Variants in NRCAM observed in about 807,000 individuals in gnomAD.
The protein encoded by NRCAM is neuronal cell adhesion molecule.
In NRCAM, 83 loss-of-function variants were observed where a neutral mutation model predicts 156.5. The observed-to-expected ratio is 0.53, with a 90% CI of 0.44 to 0.64. NRCAM has a LOEUF of 0.64. NRCAM is among the 30% of genes least tolerant of loss of function. The probability of loss-of-function intolerance (pLI) is 0.00; values close to 1 mark genes in which losing one functional copy is unlikely to be tolerated. For synonymous variants in NRCAM, 538 were observed against 563.9 expected (o/e 0.95, Z 0.65); for missense variants, 1,417 against 1,597.3 (o/e 0.89, Z 1.92).
At chr7:108,304,410 T>C (rs576728508) in intron 3 of NRCAM, among the ~76,000 whole-genome samples, 2 of 150,510 alleles carry the variant, frequency 1.3e-5, no homozygotes, top group African/African-American at 2.4e-5. Context: ...TTGATGTACA[T>C]ATGTGTGTAT....
In NRCAM at chr7:108,322,051, TC is replaced by T. The variant is rs1196454748; in HGVS notation, c.-173-9321del. Among the ~76,000 whole-genome samples the T allele has an allele frequency of 5.3e-5, 8 of 152,350 alleles. No individual in the cohort carries two copies. The East Asian group carries it at 7.7e-4, about 15-fold the overall frequency. On this transcript the variant is annotated intron_variant, in intron 2 of 32. Coordinates refer to ENST00000379028, the MANE Select transcript of NRCAM (RefSeq NM_001037132.4). ...ATTAGAATTATAACTTGGCTGTGCA[TC>T]TTTTTTTGTTGCTGTTGGCAGTAAA...
intron 3 of NRCAM, among the ~76,000 whole-genome samples, chr7:108,278,229 C>T (rs1474301751): frequency 6.6e-6 from 1 of 152,212 alleles, no homozygotes; most frequent in African/African-American, 2.4e-5. Context: ...TGTCCATTAT[C>T]GGATCTCAAA....
At chr7:108,247,873 G>C (rs1161254660) in intron 3 of NRCAM, among the ~76,000 whole-genome samples, 3 of 152,184 alleles carry the variant, frequency 2.0e-5, no homozygotes, top group Non-Finnish European at 4.4e-5. Context: ...CCAAACCACA[G>C]GGATAGGCCT....
chr7:108,446,624 G>GTT (rs1246085411), intron 1 of NRCAM, among the ~76,000 whole-genome samples: 14 of 152,044 alleles, frequency 9.2e-5, no homozygotes, highest in African/African-American at 3.4e-4. Flanking sequence ...TGGATGACTA[G>GTT]TTATCTGCTT....
chr7:108,199,254 T>A (rs73725382), intron 13 of NRCAM, among the ~76,000 whole-genome samples: 5,519 of 152,136 alleles, frequency 0.036, 286 homozygotes, highest in African/African-American at 0.12. Flanking sequence ...TAAAAAAAAA[T>A]TTGTTTCATC....
chr7:108,298,349 C>T (rs2098495907), intron 3 of NRCAM, among the ~76,000 whole-genome samples: 1 of 151,720 alleles, frequency 6.6e-6, no homozygotes, highest in African/African-American at 2.4e-5. Flanking sequence ...CAACCCCCTC[C>T]CCGCCAAAAA....
intron 1 of NRCAM, among the ~76,000 whole-genome samples, chr7:108,421,353 C>A (rs911760239): frequency 1.3e-5 from 2 of 152,102 alleles, no homozygotes; most frequent in African/African-American, 4.8e-5. Context: ...TATAATATCA[C>A]ATGCCATTTA....
chr7:108,446,773 G>A (rs1397182945), intron 1 of NRCAM, among the ~76,000 whole-genome samples: 1 of 148,314 alleles, frequency 6.7e-6, no homozygotes, highest in East Asian at 2.0e-4. Context: ...TGTTGCCCAG[G>A]CTGTAGTGCA....
intron 3 of NRCAM, among the ~76,000 whole-genome samples, chr7:108,253,990 C>G (rs1024226138): frequency 1.3e-5 from 2 of 152,184 alleles, no homozygotes; most frequent in Non-Finnish European, 2.9e-5. Flanking sequence ...CTGGCTGTGG[C>G]GTCCAGGCGA....
chr7:108,218,454 T>C (rs1446988575), intron 11 of NRCAM, among the ~76,000 whole-genome samples: 3 of 152,148 alleles, frequency 2.0e-5, no homozygotes, highest in East Asian at 3.9e-4. Flanking sequence ...GACCATATGA[T>C]AGGCCACAAA....
Position 108,166,886 on chromosome 7 carries a change from A to AGCGGGAGCCAGAACAGGTGTG in NRCAM, c.3466+14_3466+34dup, listed in dbSNP as rs1285370890. The AGCGGGAGCCAGAACAGGTGTG allele has an allele frequency of 2.5e-6, 4 of 1,606,622 alleles. No individual in the cohort carries two copies. The Admixed American group carries it at 6.7e-5, about 27-fold the overall frequency. On this transcript the variant is annotated intron_variant, in intron 30 of 32. Coordinates refer to ENST00000379028, the MANE Select transcript of NRCAM (RefSeq NM_001037132.4). ...GAGCACCTGGCGGCCTCCACCTCTGAGCGGGAGCCAGAACAGGTGTGGTGT... is the reference window on the plus strand; with the variant it reads ...GAGCACCTGGCGGCCTCCACCTCTGAGCGGGAGCCAGAACAGGTGTGGCGGGAGCCAGAACAGGTGTGGTGT...
At chr7:108,215,499 G>T (rs1202757312) in intron 11 of NRCAM, among the ~76,000 whole-genome samples, 5 of 152,022 alleles carry the variant, frequency 3.3e-5, no homozygotes, top group Non-Finnish European at 7.4e-5. Context: ...ACAAGCATGA[G>T]CCACCGCGCC....
At chr7:108,335,769 T>G (rs2099181363) in intron 2 of NRCAM, among the ~76,000 whole-genome samples, 1 of 152,158 alleles carries the variant, frequency 6.6e-6, no homozygotes. Flanking sequence ...TCAAATTACA[T>G]TCCTGGGAGA....
In NRCAM at chr7:108,177,676, T is replaced by G. The variant is rs2061376777; in HGVS notation, c.2974+314A>C. ...ATATATATATGTATATACGTGTATA[T>G]ATATACGTGTATATATATATACACG... On this transcript the variant is annotated intron_variant, in intron 26 of 32. Transcript: ENST00000379028. 2.2e-4 allele frequency among the ~76,000 whole-genome samples: 4 copies of G among 18,378 alleles called. No homozygotes were observed. The Admixed American group carries it at 3.8e-3, about 17-fold the overall frequency. 12.1% of individuals were successfully genotyped at this position (18,378 alleles called of 152,430 possible).
chr7:108,219,775 C>G (rs1406000130), intron 11 of NRCAM, among the ~76,000 whole-genome samples: 1 of 152,110 alleles, frequency 6.6e-6, no homozygotes, highest in Non-Finnish European at 1.5e-5. Flanking sequence ...AAAGCATTCC[C>G]TCTGAGAAAT....
chr7:108,160,217 A>T (rs1221460000), intron 31 of NRCAM, 144 bp downstream of exon 31: 1 of 724,474 alleles, frequency 1.4e-6, no homozygotes, highest in African/African-American at 1.8e-5. Flanking sequence ...ATAAAAAGGG[A>T]TCAAAAGTCA....
At chr7:108,155,091 T>C (rs1235474919) in intron 32 of NRCAM, among the ~76,000 whole-genome samples, 1 of 83,200 alleles carries the variant, frequency 1.2e-5, no homozygotes, top group African/African-American at 7.5e-5. Flanking sequence ...AAAAGTCATA[T>C]ATATATATAT....
chr7:108,184,666 A>G (rs1317898595), intron 20 of NRCAM, 52 bp from the exon 21 acceptor site: 5 of 1,517,738 alleles, frequency 3.3e-6, no homozygotes, highest in Non-Finnish European at 3.6e-6. Flanking sequence ...CAGTCAACTC[A>G]GGGGTAGCTG....
chr7:108,226,435 A>T, intron 8 of NRCAM, 57 bp from the exon 9 acceptor site: 3 of 1,261,448 alleles, frequency 2.4e-6, no homozygotes, highest in Non-Finnish European at 3.4e-6. Context: ...CTACCCTCCA[A>T]ATTAGCAAGA....
Sources: allele counts gnomAD v4.1 joint callset (sites outside exome capture counted in the v4.1 genomes callset), GRCh38; gene constraint gnomAD v4.1.1; transcripts MANE v1.5; gene names NCBI Gene and HGNC (gene_info 2026-07-23, HGNC 2026-07-21).